The following TIE1 variants were observed in gnomAD, a reference collection of about 807,000 sequenced individuals.
The protein encoded by TIE1 is tyrosine-protein kinase receptor Tie-1.
Under a neutral mutation model 130.5 loss-of-function variants are expected in TIE1, and 89 were observed. The ratio of observed to expected loss-of-function variants is 0.68; its 90% CI spans 0.57 to 0.81. TIE1 has a LOEUF of 0.81. Ranked by LOEUF, TIE1 falls within the 40% of genes least tolerant of loss-of-function variation. TIE1 has a pLI of 0.00. For missense variants in TIE1, 1,392 were observed against 1,559.8 expected, an observed-to-expected ratio of 0.89 and a Z score of 1.81; for synonymous variants, 568 against 629.4, an observed-to-expected ratio of 0.90 and a Z score of 1.46.
chr1:43,313,121 C>T lies in TIE1; in HGVS notation c.1928-14C>T, dbSNP rs760209651. Reference sequence around the variant, plus strand: ...GTCCTATCTGAGCCTTGCCTTCCCCCACCATCTCCCCAGGGCCTCCAGCCC... The same window carrying T: ...GTCCTATCTGAGCCTTGCCTTCCCCTACCATCTCCCCAGGGCCTCCAGCCC... On this transcript the variant is annotated splice_polypyrimidine_tract_variant and intron_variant, in intron 12 of 22. Coordinates refer to ENST00000372476, the MANE Select transcript of TIE1 (RefSeq NM_005424.5). This position sits in a 1 kb window ranked among gnomAD's most constrained non-coding sequence, Gnocchi z 6.2. The T allele has an allele frequency of 3.8e-6, 6 of 1,592,090 alleles. No homozygotes were observed. The highest frequency in any genetic ancestry group is 5.1e-6 in the Non-Finnish European group (6 of 1,169,968).
At position 43,304,989 on chromosome 1, in the gene TIE1, A is replaced by ACGAC. The variant is rs1557440457; in HGVS notation, c.200_203dup (p.Ile69ProfsTer73). On this transcript the variant is annotated frameshift_variant, in exon 2 of 23. Transcript: ENST00000372476. LOFTEE classifies it high-confidence loss of function. ...GGCCCGCCCCTGCTGCTGGAGAAGG[A>ACGAC]CGACCGTATCGTGCGCACCCCGCCC... 1 of 1,496,122 alleles carries ACGAC rather than the reference A, an allele frequency of 6.7e-7. No individual in the cohort carries two copies. The highest frequency in any genetic ancestry group is 8.9e-7 in the Non-Finnish European group (1 of 1,123,006). The allele number at this position is 1,496,122 out of a possible 1,614,324, so 92.7% of individuals were successfully genotyped here. A position where few individuals can be genotyped will look rare whatever the true frequency, so the allele number is the denominator to read the frequency against.
At position 43,317,045 on chromosome 1, in the gene TIE1, C is replaced by T. The variant is rs1570448566; in HGVS notation, c.2410-154C>T. ...CTGTCTCAGTTATGTCCTCTGTCTG[C>T]CTGTCTGTCCCTGGCTGACCACCAG... On this transcript the variant is annotated intron_variant, in intron 14 of 22. Transcript: ENST00000372476. This position sits in a 1 kb window ranked among gnomAD's most constrained non-coding sequence, Gnocchi z 5.1. Among the ~76,000 whole-genome samples the T allele has an allele frequency of 6.6e-6, 1 of 152,254 alleles. No individual in the cohort carries two copies. The highest frequency in any genetic ancestry group is 1.9e-4 in the East Asian group (1 of 5,176).
chr1:43,309,371 T>C lies in TIE1; in HGVS notation c.1189-17T>C. 1.3e-6 allele frequency: 2 copies of C among 1,570,152 alleles called. No homozygotes were observed. The highest frequency in any genetic ancestry group is 1.7e-6 in the Non-Finnish European group (2 of 1,160,954). On this transcript the variant is annotated splice_polypyrimidine_tract_variant and intron_variant, in intron 8 of 22. Coordinates refer to ENST00000372476, the MANE Select transcript of TIE1 (RefSeq NM_005424.5). The surrounding 1 kb of genome is among the most constrained non-coding windows in gnomAD (Gnocchi z 6.3). ...GCCCGTTCCCTGTGACCTGTCCCCT[T>C]CCCCCATCTCTTTTAGTCCACCAAG...
rs746300033 is a variant in TIE1, at chr1:43,305,037, G to T, written c.245G>T (p.Arg82Leu). The T allele has an allele frequency of 6.3e-7, 1 of 1,591,728 alleles. No homozygotes were observed. Among genetic ancestry groups the T allele is most frequent in the Non-Finnish European group, 8.6e-7 (1 of 1,166,800 alleles). ...TPPGPPLRLARNGSHQVTLRG... is the reference protein window; with the variant it reads ...TPPGPPLRLALNGSHQVTLRG... ...CCCGGGCCACCCCTGCGCCTGGCGC[G>T]CAACGGTTCGCACCAGGTCACGCTT... Residue 82 changes from arginine (R) to leucine (L), a missense_variant, in exon 2 of 23, where the codon CGC becomes CTC. This residue lies in a region of TIE1 where 415 missense variants were observed against 424.8 expected (regional missense o/e 0.98). Coordinates refer to ENST00000372476, the MANE Select transcript of TIE1 (RefSeq NM_005424.5).
chr1:43,312,746 G>C lies in TIE1; in HGVS notation c.1927+145G>C. The C allele has an allele frequency of 1.0e-6, 1 of 976,622 alleles. No homozygotes were observed. The highest frequency in any genetic ancestry group is 1.5e-6 in the Non-Finnish European group (1 of 684,912). 60.5% of individuals were successfully genotyped at this position (976,622 alleles called of 1,614,324 possible). ...CACACATAGGGTATTAGGCAGACGT[G>C]ACCCCAGCGGGGACATGGGACTTGG... On this transcript the variant is annotated intron_variant, in intron 12 of 22. Coordinates refer to ENST00000372476, the MANE Select transcript of TIE1 (RefSeq NM_005424.5). This position sits in a 1 kb window ranked among gnomAD's most constrained non-coding sequence, Gnocchi z 5.6.
In TIE1 at chr1:43,321,501, C is replaced by G. The variant is rs538366587; in HGVS notation, c.3245+9C>G. The G allele has an allele frequency of 6.2e-7, 1 of 1,607,920 alleles. No homozygotes were observed. ...AACTGTGACGATGAAGTGTGAGTCA[C>G]CCCATCCTTGAGCTCCATGATCCTA... On this transcript the variant is annotated intron_variant, in intron 21 of 22. Coordinates refer to ENST00000372476, the MANE Select transcript of TIE1 (RefSeq NM_005424.5).
rs35909386 is a variant in TIE1 at position 43,312,184 on chromosome 1, C to T, written c.1630+53C>T. ...GTCCCCCCAAGGGTTACTTTCCCGT[C>T]GACCCCAGGGACCCCTGCCTTTCCC... is the stretch of plus-strand genomic sequence containing the variant. On this transcript the variant is annotated intron_variant, in intron 11 of 22. Transcript: ENST00000372476. The surrounding 1 kb of genome is among the most constrained non-coding windows in gnomAD (Gnocchi z 5.6). 94,802 of 1,511,910 alleles carry T rather than the reference C, an allele frequency of 0.063. 3,264 individuals carry two copies. Among genetic ancestry groups the T allele is most frequent in the Non-Finnish European group, 0.071 (80,209 of 1,129,836 alleles). 93.7% of individuals were successfully genotyped at this position (1,511,910 alleles called of 1,614,324 possible). A position where few individuals can be genotyped will look rare whatever the true frequency, so the allele number is the denominator to read the frequency against.
intron 9 of TIE1, among the ~76,000 whole-genome samples, chr1:43,311,070 G>A (rs1322862940): frequency 6.6e-6 from 1 of 152,190 alleles, no homozygotes; most frequent in Non-Finnish European, 1.5e-5. Flanking sequence ...CTGTTTTGGA[G>A]TAGAATGGAT....
chr1:43,309,111 C>A lies in TIE1; in HGVS notation c.1168C>A (p.Pro390Thr). The A allele has an allele frequency of 6.2e-7, 1 of 1,603,726 alleles. No individual in the cohort carries two copies. The highest frequency in any genetic ancestry group is 8.5e-7 in the Non-Finnish European group (1 of 1,172,926). Residue 390 changes from proline to threonine, a missense_variant, in exon 8 of 23, where the codon CCA (proline) becomes ACA (threonine). Around this residue, in one of 6 missense-constraint regions of TIE1, gnomAD observed 551 missense variants for 565.5 expected, o/e 0.97. Coordinates refer to ENST00000372476, the MANE Select transcript of TIE1 (RefSeq NM_005424.5). The surrounding 1 kb of genome is among the most constrained non-coding windows in gnomAD (Gnocchi z 6.3). Reference protein sequence around the residue: ...PVRGSIELRKPDGTVLLSTKA... With the variant: ...PVRGSIELRKTDGTVLLSTKA... ...GCGGGGCAGCATAGAGCTACGCAAG[C>A]CAGACGGCACTGTGCTCCTGGTCAG...
At chr1:43,311,429 A>G (rs932403537) in intron 9 of TIE1, among the ~76,000 whole-genome samples, 1 of 151,668 alleles carries the variant, frequency 6.6e-6, no homozygotes, top group Non-Finnish European at 1.5e-5. Flanking sequence ...CCCCCAAACC[A>G]TGTCTGGCCA....
intron 9 of TIE1, 116 bp from the exon 10 acceptor site, chr1:43,311,554 TG>T: frequency 7.2e-7 from 1 of 1,381,270 alleles, no homozygotes; most frequent in Non-Finnish European, 9.8e-7. Context: ...CTGGCCACTA[TG>T]GTCATCTGTT....
chr1:43,321,298 T>C lies in TIE1; in HGVS notation c.3137T>C (p.Ile1046Thr), dbSNP rs374603504. 132 of 1,613,968 alleles carry C rather than the reference T, an allele frequency of 8.2e-5. No individual in the cohort carries two copies. Among genetic ancestry groups the C allele is most frequent in the Non-Finnish European group, 1.1e-4 (127 of 1,180,018 alleles). The change falls in exon 20 of 23, where the codon ATA becomes ACA. Residue 1046 changes from isoleucine to threonine, a missense_variant. Ile to Thr is a moderately conservative substitution (Grantham distance 89, BLOSUM62 -1). This residue lies in a region of TIE1 where 104 missense variants were observed against 129.3 expected (regional missense o/e 0.80). Transcript: ENST00000372476. ...VWSFGVLLWE[I>T]VSLGGTPYCG... ...TCCTTTGGAGTCCTTCTTTGGGAGA[T>C]AGTGAGCCTTGGTGAGTTCCTGATC...
rs753360821 is a variant in TIE1 at position 43,313,811 on chromosome 1, G to T, written c.2252G>T (p.Arg751Leu). 3.1e-6 allele frequency: 5 copies of T among 1,613,690 alleles called. No individual in the cohort carries two copies. The highest frequency in any genetic ancestry group is 4.2e-6 in the Non-Finnish European group (5 of 1,179,886). The change falls in exon 14 of 23, where the codon CGG (arginine) becomes CTG (leucine). Residue 751 changes from arginine (R) to leucine (L), a missense_variant. Arg to Leu is a moderately radical substitution (Grantham distance 102). Coordinates refer to ENST00000372476, the MANE Select transcript of TIE1 (RefSeq NM_005424.5). The surrounding 1 kb of genome is among the most constrained non-coding windows in gnomAD (Gnocchi z 6.2). ...LQAEGPVQES[R>L]AAEEGLDQQL... ...GCTGAGGGCCCAGTCCAAGAGAGCC[G>T]GGCAGCTGAAGAGGGCCTGGATCAG... is the stretch of plus-strand genomic sequence containing the variant.
intron 7 of TIE1, 129 bp from the exon 8 acceptor site, chr1:43,308,857 T>C (rs1195315408): frequency 1.5e-6 from 2 of 1,296,672 alleles, no homozygotes; most frequent in East Asian, 2.4e-5. Flanking sequence ...ATGCGGGCCT[T>C]TGCTGGTTTT....
chr1:43,308,911 C>G, intron 7 of TIE1, 75 bp from the exon 8 acceptor site: 1 of 1,603,424 alleles, frequency 6.2e-7, no homozygotes, highest in Non-Finnish European at 8.5e-7. Flanking sequence ...AGAAACAGAA[C>G]ACGGATGAGG....
chr1:43,302,674 C>T (rs1223043280), intron 1 of TIE1, among the ~76,000 whole-genome samples: 2 of 152,080 alleles, frequency 1.3e-5, no homozygotes, highest in Admixed American at 1.3e-4. Context: ...GGGAGCATCA[C>T]GGGGCTTAGG....
rs1430985169 is a variant in TIE1, at chr1:43,305,288, A to C, written c.429A>C (p.Val143=). The part of the protein sequence containing the change: ...THTVNKGDTA[V]LSARVHKEKQ... ...CTGTGAACAAAGGTGACACCGCTGT[A>C]CTTTCTGCACGTGTGCACAAGGAGA... Residue 143 remains valine (V), a synonymous_variant, in exon 3 of 23, where the codon GTA becomes GTC. Coordinates refer to ENST00000372476, the MANE Select transcript of TIE1 (RefSeq NM_005424.5). The C allele has an allele frequency of 1.9e-6, 3 of 1,607,928 alleles. No individual in the cohort carries two copies. The African/African-American group carries it at 4.0e-5, about 21-fold the overall frequency.
intron 7 of TIE1, 191 bp from the exon 8 acceptor site, chr1:43,308,795 G>A (rs1419918348): frequency 5.4e-6 from 4 of 741,698 alleles, no homozygotes; most frequent in Admixed American, 4.0e-5. Context: ...GAGGTGGTTA[G>A]GAAGTAGACT....
Position 43,313,083 on chromosome 1 carries a change from G to C in TIE1, c.1928-52G>C. 1.3e-6 allele frequency: 2 copies of C among 1,550,140 alleles called. No individual in the cohort carries two copies. The highest frequency in any genetic ancestry group is 1.7e-6 in the Non-Finnish European group (2 of 1,146,910). On this transcript the variant is annotated intron_variant, in intron 12 of 22. Coordinates refer to ENST00000372476, the MANE Select transcript of TIE1 (RefSeq NM_005424.5). This position sits in a 1 kb window ranked among gnomAD's most constrained non-coding sequence, Gnocchi z 6.2. ...TAGAGCAGATGTGTCCAGCCCCACA[G>C]CTACATAGCCCGGTCCTATCTGAGC...
Sources: gnomAD v4.1 joint callset for allele counts (sites outside exome capture counted in the v4.1 genomes callset) on GRCh38, gnomAD v4.1.1 for gene constraint, gnomAD v4.1.1 regional missense constraint, Gnocchi (gnomAD v3.1) non-coding constraint, MANE v1.5 for transcripts, NCBI Gene and HGNC (gene_info 2026-07-23, HGNC 2026-07-21) for gene names.